The following WDFY3 variants were observed in gnomAD, a reference collection of about 807,000 sequenced individuals.
WDFY3 encodes the protein WD repeat and FYVE domain-containing protein 3.
In WDFY3, 66 loss-of-function variants were observed where a neutral mutation model predicts 409.6. The ratio of observed to expected loss-of-function variants is 0.16; its 90% CI spans 0.13 to 0.20. WDFY3 has a LOEUF of 0.20. Among genes scored for constraint, WDFY3 ranks in the 10% least tolerant of loss-of-function variants. The pLI, the probability that WDFY3 is intolerant of heterozygous loss-of-function variation, is 1.00. For synonymous variants in WDFY3, 1,521 were observed against 1,537.1 expected (o/e 0.99, Z 0.25); for missense variants, 3,031 against 4,298.1 (o/e 0.71, Z 8.24).
intron 30 of WDFY3, among the ~76,000 whole-genome samples, chr4:84,771,934 C>A (rs1744746833): frequency 6.6e-6 from 1 of 152,178 alleles, no homozygotes; most frequent in African/African-American, 2.4e-5. Context: ...TTTTTCAAAT[C>A]TCTCCATCTC....
chr4:84,774,022 C>T (rs1408933841), intron 29 of WDFY3, among the ~76,000 whole-genome samples: 1 of 152,094 alleles, frequency 6.6e-6, no homozygotes. Flanking sequence ...ACCCGGCCCC[C>T]CAGGTTTAAA....
At chr4:84,686,880 T>G (rs1359373410) in intron 62 of WDFY3, among the ~76,000 whole-genome samples, 1 of 152,212 alleles carries the variant, frequency 6.6e-6, no homozygotes, top group Non-Finnish European at 1.5e-5. Context: ...CAAGACCATC[T>G]TAGCAATGAA....
intron 61 of WDFY3, 96 bp downstream of exon 61, chr4:84,690,410 A>C: frequency 2.6e-6 from 4 of 1,549,794 alleles, no homozygotes; most frequent in Non-Finnish European, 3.5e-6. Flanking sequence ...TTAGATCTGA[A>C]GTACCTCAGA....
At chr4:84,878,674 A>C (rs1763098367) in intron 3 of WDFY3, among the ~76,000 whole-genome samples, 1 of 152,220 alleles carries the variant, frequency 6.6e-6, no homozygotes, top group South Asian at 2.1e-4. Flanking sequence ...TCCTCTCTAC[A>C]AACTGCTTTA....
intron 1 of WDFY3, among the ~76,000 whole-genome samples, chr4:84,948,407 C>G (rs1415818635): frequency 1.3e-5 from 2 of 151,890 alleles, no homozygotes; most frequent in African/African-American, 2.4e-5. Context: ...GATTACTGAT[C>G]AACAATACTT....
chr4:84,870,051 G>A (rs1761940389), intron 3 of WDFY3, among the ~76,000 whole-genome samples: 1 of 152,080 alleles, frequency 6.6e-6, no homozygotes, highest in Non-Finnish European at 1.5e-5. Context: ...CATACAATGT[G>A]AATTACCGCA....
At chr4:84,737,842 C>A (rs185035666) in intron 40 of WDFY3, among the ~76,000 whole-genome samples, 1 of 152,124 alleles carries the variant, frequency 6.6e-6, no homozygotes, top group Non-Finnish European at 1.5e-5. Flanking sequence ...CCAGACCAGT[C>A]GGCCCTCAGC....
At position 84,733,495 on chromosome 4, in the gene WDFY3, T is replaced by A. The variant is rs1435907222; in HGVS notation, c.7108A>T (p.Met2370Leu). ...CAGGGCCCTTCTGTCATCTCCAGCA[T>A]CCACTTGTCGAGGTGGGAGCCGATG... ...PPIGSHLDKW[M>L]LEMTEGPCRM... is the part of the protein sequence containing the mutation. The change falls in exon 44 of 68, where the codon ATG (methionine) becomes TTG (leucine). Residue 2370 changes from methionine (M) to leucine (L), a missense_variant. Met to Leu is a conservative substitution (Grantham distance 15). Around this residue, in one of 16 missense-constraint regions of WDFY3, gnomAD observed 98 missense variants for 194.9 expected, o/e 0.50. Transcript: ENST00000295888. The A allele has an allele frequency of 1.9e-6, 3 of 1,613,994 alleles. No individual in the cohort carries two copies. The highest frequency in any genetic ancestry group is 2.2e-5 in the East Asian group (1 of 44,850).
intron 46 of WDFY3, 54 bp from the exon 47 acceptor site, chr4:84,721,626 A>G (rs1734867632): frequency 2.5e-6 from 4 of 1,587,860 alleles, no homozygotes; most frequent in Non-Finnish European, 3.4e-6. Context: ...CTTGTGGGGA[A>G]GCAGTTTAGT....
chr4:84,856,067 C>A (rs932301534), intron 4 of WDFY3, among the ~76,000 whole-genome samples: 3 of 152,184 alleles, frequency 2.0e-5, no homozygotes, highest in African/African-American at 7.2e-5. Context: ...CCAGTATCAA[C>A]TGTATTGGTA....
Position 84,783,029 on chromosome 4 carries a change from G to A in WDFY3, c.4108C>T (p.His1370Tyr), listed in dbSNP as rs567593703. The change falls in exon 25 of 68, where the codon CAC becomes TAC. Residue 1370 changes from histidine to tyrosine, a missense_variant. His to Tyr is a moderately conservative substitution (Grantham distance 83). Around this residue, in one of 16 missense-constraint regions of WDFY3, gnomAD observed 1,322 missense variants for 1,697.9 expected, o/e 0.78. Transcript: ENST00000295888. ...HENATPVKLI[H>Y]NSAGHLNGSA... is the part of the protein sequence containing the mutation. ...CCATTAAGATGTCCTGCTGAATTGT[G>A]TATCAACTTCACAGGAGTGGCATTC... The A allele has an allele frequency of 7.4e-6, 12 of 1,614,134 alleles. No individual in the cohort carries two copies. The African/African-American group carries it at 1.2e-4, about 16-fold the overall frequency.
chr4:84,675,249 C>G (rs556402814), intron 67 of WDFY3, among the ~76,000 whole-genome samples: 4 of 152,056 alleles, frequency 2.6e-5, no homozygotes, highest in Non-Finnish European at 5.9e-5. Context: ...AGCCACTGTG[C>G]CCGGTCCCAT....
intron 44 of WDFY3, among the ~76,000 whole-genome samples, chr4:84,728,177 C>T (rs756997432): frequency 3.3e-5 from 5 of 151,926 alleles, no homozygotes; most frequent in African/African-American, 1.2e-4. Context: ...GTGAAGAAAA[C>T]GGATTCTTCA....
At chr4:84,743,641 T>C in intron 37 of WDFY3, 59 bp downstream of exon 37, 2 of 1,349,296 alleles carry the variant, frequency 1.5e-6, no homozygotes, top group Non-Finnish European at 2.0e-6. Context: ...TAGTTTTACT[T>C]GGGGCTTAGA....
intron 1 of WDFY3, among the ~76,000 whole-genome samples, chr4:84,943,964 T>A (rs1772475618): frequency 6.6e-6 from 1 of 152,180 alleles, no homozygotes; most frequent in African/African-American, 2.4e-5. Context: ...CATTCCAGAT[T>A]AGGATATATG....
chr4:84,854,354 T>C (rs1391431093), intron 4 of WDFY3, among the ~76,000 whole-genome samples: 1 of 152,174 alleles, frequency 6.6e-6, no homozygotes, highest in Non-Finnish European at 1.5e-5. Flanking sequence ...AACTAAAGCA[T>C]GAATCTGACA....
chr4:84,720,813 T>A (rs555715485), intron 47 of WDFY3, among the ~76,000 whole-genome samples: 1 of 144,336 alleles, frequency 6.9e-6, no homozygotes, highest in South Asian at 2.2e-4. Context: ...CCACAATGAG[T>A]AAAGTGCAGA....
intron 1 of WDFY3, among the ~76,000 whole-genome samples, chr4:84,959,623 A>G (rs1433410796): frequency 6.6e-6 from 1 of 152,232 alleles, no homozygotes; most frequent in African/African-American, 2.4e-5. Context: ...ACAGGTGCTA[A>G]CAGCATTTAC....
intron 53 of WDFY3, 102 bp downstream of exon 53, chr4:84,708,807 C>T: frequency 7.5e-7 from 1 of 1,333,262 alleles, no homozygotes; most frequent in Non-Finnish European, 1.0e-6. Context: ...TCCCAAAGTG[C>T]TAGGATTTTA....
Sources: allele counts gnomAD v4.1 joint callset (sites outside exome capture counted in the v4.1 genomes callset), GRCh38; gene constraint gnomAD v4.1.1; regional missense constraint gnomAD v4.1.1; transcripts MANE v1.5; gene names NCBI Gene and HGNC (gene_info 2026-07-23, HGNC 2026-07-21).